ZNF248: variants seen among roughly 807,000 people sequenced by gnomAD.
ZNF248 encodes zinc finger protein 248, also known as KRAB protein domain.
Under a neutral mutation model 44.3 loss-of-function variants are expected in ZNF248, and 20 were observed. The ratio of observed to expected loss-of-function variants is 0.45; its 90% CI spans 0.32 to 0.66. ZNF248 has a LOEUF of 0.66. ZNF248 is among the 30% of genes least tolerant of loss of function. The probability of loss-of-function intolerance (pLI) is 0.04; values close to 1 mark genes in which losing one functional copy is unlikely to be tolerated. For synonymous variants in ZNF248, 224 were observed against 229.0 expected (o/e 0.98, Z 0.20); for missense variants, 654 against 677.0 (o/e 0.97, Z 0.38).
intron 6 of ZNF248, among the ~76,000 whole-genome samples, chr10:37,811,456 A>G (rs1489808682): frequency 6.6e-6 from 1 of 151,916 alleles, no homozygotes; most frequent in Non-Finnish European, 1.5e-5. Context: ...AAAATAAAAA[A>G]TAAAAAAAAC....
At chr10:37,780,643 G>A (rs1264949157) in intron 6 of ZNF248, among the ~76,000 whole-genome samples, 1 of 152,198 alleles carries the variant, frequency 6.6e-6, no homozygotes, top group Non-Finnish European at 1.5e-5. Flanking sequence ...ACCCAGCTCA[G>A]CCTGGAAGCA....
At chr10:37,809,546 G>A (rs1276099210) in intron 6 of ZNF248, among the ~76,000 whole-genome samples, 3 of 152,188 alleles carry the variant, frequency 2.0e-5, no homozygotes, top group Non-Finnish European at 4.4e-5. Context: ...CCAAAGTGCT[G>A]GAATTACAGG....
At chr10:37,805,606 C>A (rs1031047186) in intron 6 of ZNF248, among the ~76,000 whole-genome samples, 13 of 152,122 alleles carry the variant, frequency 8.5e-5, no homozygotes, top group African/African-American at 2.9e-4. Flanking sequence ...ATTTACAAAT[C>A]GCTGTTCGCT....
chr10:37,827,135 G>A (rs1417044326), downstream of ZNF248, among the ~76,000 whole-genome samples: 3 of 152,192 alleles, frequency 2.0e-5, no homozygotes, highest in Non-Finnish European at 2.9e-5. Flanking sequence ...ACCAGTCATG[G>A]CTGCCAAGCT....
rs1420209288 is a variant in ZNF248 at position 37,828,892 on chromosome 10, GGA to G, written c.*2721_*2722del. 2.0e-6 allele frequency: 2 copies of G among 985,300 alleles called. No homozygotes were observed. Among genetic ancestry groups the G allele is most frequent in the African/African-American group, 3.5e-5 (2 of 57,238 alleles). The allele number at this position is 985,300 out of a possible 1,614,324, so 61.0% of individuals were successfully genotyped here. A position where few individuals can be genotyped will look rare whatever the true frequency, so the allele number is the denominator to read the frequency against. On this transcript the variant is annotated 3_prime_UTR_variant, in exon 6 of 6. Coordinates refer to ENST00000395867, the MANE Select transcript of ZNF248 (RefSeq NM_021045.3). ...TAATGTCTGCTTCACACATGTTGAA[GGA>G]GAGACATACCTGTGTAGTTCCAAAG...
rs570479360 is a variant in ZNF248 at position 37,840,676 on chromosome 10, G to A, written c.16-2565C>T. Among the ~76,000 whole-genome samples the A allele has an allele frequency of 4.6e-5, 7 of 152,188 alleles. No homozygotes were observed. In the East Asian group the frequency reaches 7.7e-4, roughly 17 times the overall value. On this transcript the variant is annotated intron_variant, in intron 3 of 5. Coordinates refer to ENST00000395867, the MANE Select transcript of ZNF248 (RefSeq NM_021045.3). ...CACACACCTGTAATCCCAGCTACTC[G>A]GGAGGCTGAGGAAGGAGAATCACCC...
chr10:37,788,735 A>G (rs1477568714), intron 6 of ZNF248, among the ~76,000 whole-genome samples: 1 of 152,262 alleles, frequency 6.6e-6, no homozygotes, highest in African/African-American at 2.4e-5. Context: ...TAGTTATTAT[A>G]AAAACAGACA....
intron 3 of ZNF248, among the ~76,000 whole-genome samples, chr10:37,840,706 C>T (rs924990673): frequency 5.3e-5 from 8 of 151,894 alleles, no homozygotes; most frequent in African/African-American, 1.9e-4. Context: ...TCACCCAAAC[C>T]GGAAGGCAGA....
the ZNF248 span, among the ~76,000 whole-genome samples, chr10:37,760,601 T>G: frequency 6.6e-6 from 1 of 152,300 alleles, no homozygotes; most frequent in South Asian, 2.1e-4. Context: ...TTTGGGGGAC[T>G]GAGGCAGGCG....
intron 3 of ZNF248, among the ~76,000 whole-genome samples, chr10:37,852,448 G>A (rs762039013): frequency 1.3e-5 from 2 of 151,960 alleles, no homozygotes; most frequent in Admixed American, 6.6e-5. Context: ...GTAGGTTGCC[G>A]ATTAATTTAG....
At chr10:37,839,482 A>T (rs926037476) in intron 3 of ZNF248, among the ~76,000 whole-genome samples, 2 of 150,794 alleles carry the variant, frequency 1.3e-5, no homozygotes, top group East Asian at 3.9e-4. Flanking sequence ...TGGTCTCAAG[A>T]CACCTCTTAT....
At chr10:37,824,980 A>G (rs535032501), downstream of ZNF248, among the ~76,000 whole-genome samples, 1 of 151,118 alleles carries the variant, frequency 6.6e-6, no homozygotes, top group South Asian at 2.1e-4. Context: ...GAGCCACCGC[A>G]CCCAGCCAAA....
chr10:37,818,689 T>C, intron 6 of ZNF248: 1 of 549,004 alleles, frequency 1.8e-6, no homozygotes. Context: ...AATTTTTGGA[T>C]ATAATGCAGC....
At chr10:37,777,067 A>G (rs1015520570) in intron 6 of ZNF248, among the ~76,000 whole-genome samples, 10 of 152,156 alleles carry the variant, frequency 6.6e-5, no homozygotes, top group Non-Finnish European at 4.4e-5. Context: ...ACCACTCCGC[A>G]TGGCACATAT....
At chr10:37,802,818 T>TA (rs1194253713) in intron 6 of ZNF248, 1 of 152,212 alleles carries the variant, frequency 6.6e-6, no homozygotes, top group Non-Finnish European at 1.5e-5. Flanking sequence ...GGATGGCACT[T>TA]AGACTTTTTT....
intron 6 of ZNF248, among the ~76,000 whole-genome samples, chr10:37,804,792 G>C (rs746500775): frequency 1.3e-5 from 2 of 152,134 alleles, no homozygotes; most frequent in Non-Finnish European, 2.9e-5. Context: ...TCAAATCATT[G>C]ACGAAGTTTC....
intron 6 of ZNF248, among the ~76,000 whole-genome samples, chr10:37,821,662 TCAGTC>T (rs1191899955): frequency 6.6e-6 from 1 of 152,120 alleles, no homozygotes; most frequent in Non-Finnish European, 1.5e-5. Flanking sequence ...AACCCACTGC[TCAGTC>T]CCAGTCCCTA....
downstream of ZNF248, among the ~76,000 whole-genome samples, chr10:37,775,736 G>A (rs1202046332): frequency 3.3e-5 from 5 of 152,144 alleles, no homozygotes; most frequent in African/African-American, 1.2e-4. Flanking sequence ...GTTCACTCCT[G>A]TAGGTGAAAT....
At position 37,854,368 on chromosome 10, in the gene ZNF248, T is replaced by TG. The variant is rs575157821; in HGVS notation, c.15+1927dup. Among the ~76,000 whole-genome samples, 169 of 152,000 alleles carry TG rather than the reference T, an allele frequency of 1.1e-3. 1 individual carries two copies. The highest frequency in any genetic ancestry group is 3.7e-3 in the African/African-American group (154 of 41,462). On this transcript the variant is annotated intron_variant, in intron 3 of 5. Transcript: ENST00000395867. ...TATAATACACAAGGGTAAAAGACAC[T>TG]GGGGGGGAAAAAAGACCAGACAACC...
Sources: allele counts gnomAD v4.1 joint callset (sites outside exome capture counted in the v4.1 genomes callset), GRCh38; gene constraint gnomAD v4.1.1; transcripts MANE v1.5; gene names NCBI Gene and HGNC (gene_info 2026-07-23, HGNC 2026-07-21).